Variants in NOLC1 observed in about 807,000 individuals in gnomAD.
The protein encoded by NOLC1 is nucleolar and coiled-body phosphoprotein 1, also known as 140 kDa nucleolar phosphoprotein.
Under a neutral mutation model 73.4 loss-of-function variants are expected in NOLC1, and 37 were observed. That is an observed-to-expected ratio of 0.50 (90% CI 0.39 to 0.66). The LOEUF (loss-of-function observed/expected upper bound fraction) is 0.66. NOLC1 is among the 30% of genes least tolerant of loss of function. NOLC1 has a pLI of 0.00. For synonymous variants in NOLC1, 327 were observed against 302.6 expected, an observed-to-expected ratio of 1.08 and a Z score of -0.84; for missense variants, 921 against 838.9, an observed-to-expected ratio of 1.10 and a Z score of -1.21.
intron 5 of NOLC1, 42 bp from the exon 6 acceptor site, chr10:102,159,151 G>A (rs774210633): frequency 5.0e-6 from 8 of 1,592,786 alleles, no homozygotes; most frequent in South Asian, 1.1e-5. Flanking sequence ...GTCCTGACTT[G>A]CCCTAATACT....
intron 1 of NOLC1, among the ~76,000 whole-genome samples, chr10:102,155,022 A>ATTTTTTTTTTTT (rs34034390): frequency 7.6e-6 from 1 of 131,250 alleles, no homozygotes; most frequent in African/African-American, 2.8e-5. Context: ...CACCTGGCTA[A>ATTTTTTTTTTTT]TTTTTTTTTT....
chr10:102,162,144 A>C lies in NOLC1; in HGVS notation c.1975A>C (p.Asn659His), dbSNP rs2069721245. Residue 659 changes from asparagine (N) to histidine (H), a missense_variant, in exon 13 of 13, where the codon AAT becomes CAT. Asn to His is a moderately conservative substitution (Grantham distance 68). Coordinates refer to ENST00000605788, the MANE Select transcript of NOLC1 (RefSeq NM_004741.5). ...GAAGDWGERANQVLKFTKGKS... is the reference protein window; with the variant it reads ...GAAGDWGERAHQVLKFTKGKS... The stretch of plus-strand genomic sequence containing the variant: ...AGCCGGAGACTGGGGAGAGCGAGCC[A>C]ATCAGGTTTTGAAGTTCACCAAAGG... 2.5e-6 allele frequency: 4 copies of C among 1,614,134 alleles called. No individual in the cohort carries two copies. The African/African-American group carries it at 5.3e-5, about 22-fold the overall frequency.
In NOLC1 at chr10:102,162,137, G is replaced by C. The variant is rs773390947; in HGVS notation, c.1968G>C (p.Glu656Asp). ...GAGGTGCAGCCGGAGACTGGGGAGA[G>C]CGAGCCAATCAGGTTTTGAAGTTCA... ...AKRGAAGDWG[E>D]RANQVLKFTK... Residue 656 changes from glutamate to aspartate, a missense_variant, in exon 13 of 13, where the codon GAG becomes GAC. Glu to Asp is a conservative substitution (Grantham distance 45). Coordinates refer to ENST00000605788, the MANE Select transcript of NOLC1 (RefSeq NM_004741.5). The C allele has an allele frequency of 2.0e-5, 33 of 1,614,042 alleles. No individual in the cohort carries two copies. Among genetic ancestry groups the C allele is most frequent in the Non-Finnish European group, 2.8e-5 (33 of 1,180,030 alleles).
rs547289331 is a variant in NOLC1, at chr10:102,154,505, G to T, written c.120+1975G>T. On this transcript the variant is annotated intron_variant, in intron 1 of 12. Transcript: ENST00000605788. ...TTTGTCCAAAGGTGAGTTCCCATCT[G>T]TACTGACTCTGATCATTTACTCTTT... Among the ~76,000 whole-genome samples the T allele has an allele frequency of 3.3e-5, 5 of 152,166 alleles. No individual in the cohort carries two copies. In the South Asian group the frequency reaches 1.0e-3, roughly 32 times the overall value.
At position 102,160,778 on chromosome 10, in the gene NOLC1, T is replaced by C. The variant is rs1425947129; in HGVS notation, c.1426T>C (p.Ser476Pro). Residue 476 changes from serine (S) to proline (P), a missense_variant, in exon 10 of 13, where the codon TCC becomes CCC. Physicochemically the swap from Ser to Pro is moderately conservative, Grantham distance 74 (BLOSUM62 -1). Transcript: ENST00000605788. The stretch of plus-strand genomic sequence containing the variant: ...GGACAGCAGCTCTGATTCAGACAGC[T>C]CCAGCAGTGAGGAGGAGGAAGAGAA... ...SRDSSSDSDS[S>P]SSEEEEEKTS... 1 of 1,613,978 alleles carries C rather than the reference T, an allele frequency of 6.2e-7. No homozygotes were observed. Among genetic ancestry groups the C allele is most frequent in the Non-Finnish European group, 8.5e-7 (1 of 1,180,040 alleles).
At position 102,162,635 on chromosome 10, in the gene NOLC1, G is replaced by A. The variant is rs1250654731; in HGVS notation, c.*366G>A. The stretch of plus-strand genomic sequence containing the variant: ...TGATTTTCAAAGGTGGATTCCCACA[G>A]ATAAAATCTTGGCTATTGCCCAAAA... On this transcript the variant is annotated 3_prime_UTR_variant, in exon 13 of 13. Coordinates refer to ENST00000605788, the MANE Select transcript of NOLC1 (RefSeq NM_004741.5). The A allele has an allele frequency of 6.3e-6, 1 of 158,860 alleles. No individual in the cohort carries two copies. The highest frequency in any genetic ancestry group is 6.4e-5 in the Admixed American group (1 of 15,642). 9.8% of individuals were successfully genotyped at this position (158,860 alleles called of 1,614,324 possible). A position where few individuals can be genotyped will look rare whatever the true frequency, so the allele number is the denominator to read the frequency against.
At chr10:102,155,632 C>T (rs191837327) in intron 1 of NOLC1, among the ~76,000 whole-genome samples, 10 of 152,010 alleles carry the variant, frequency 6.6e-5, no homozygotes, top group Non-Finnish European at 1.5e-5. Context: ...CCTCAGCCTC[C>T]TGAGTAGCTG....
Position 102,163,248 on chromosome 10 carries a change from G to A in NOLC1, c.*979G>A, listed in dbSNP as rs971394943. 2 of 151,718 alleles carry A rather than the reference G, an allele frequency of 1.3e-5. No individual in the cohort carries two copies. The highest frequency in any genetic ancestry group is 4.8e-5 in the African/African-American group (2 of 41,404). 9.4% of individuals were successfully genotyped at this position (151,718 alleles called of 1,614,324 possible). A position where few individuals can be genotyped will look rare whatever the true frequency, so the allele number is the denominator to read the frequency against. On this transcript the variant is annotated 3_prime_UTR_variant, in exon 13 of 13. Coordinates refer to ENST00000605788, the MANE Select transcript of NOLC1 (RefSeq NM_004741.5). ...TGAGAATCACTGATCAAGAAAGTGG[G>A]GGGAAAAAAAACAAACGTTAAAACC...
At position 102,160,665 on chromosome 10, in the gene NOLC1, C is replaced by G; in HGVS notation, c.1313C>G (p.Thr438Arg). The change falls in exon 10 of 13, where the codon ACA becomes AGA. Residue 438 changes from threonine to arginine, a missense_variant. Coordinates refer to ENST00000605788, the MANE Select transcript of NOLC1 (RefSeq NM_004741.5). ...EESSSSEEEK[T>R]KKMVATTKPK... is the part of the protein sequence containing the mutation. ...AGCAGCTCCAGTGAGGAGGAGAAGA[C>G]AAAGAAGATGGTGGCCACCACTAAG... 2 of 1,614,086 alleles carry G rather than the reference C, an allele frequency of 1.2e-6. No homozygotes were observed. The highest frequency in any genetic ancestry group is 1.7e-6 in the Non-Finnish European group (2 of 1,180,000).
intron 4 of NOLC1, 90 bp from the exon 5 acceptor site, chr10:102,157,959 A>G (rs1223328357): frequency 6.9e-5 from 82 of 1,191,856 alleles, no homozygotes; most frequent in Non-Finnish European, 9.3e-5. Context: ...TTACTGCTCC[A>G]TTAGGCCCCT....
chr10:102,152,623 G>A lies in NOLC1; in HGVS notation c.120+93G>A. 3 of 1,556,056 alleles carry A rather than the reference G, an allele frequency of 1.9e-6. No homozygotes were observed. The South Asian group carries it at 3.5e-5, about 18-fold the overall frequency. Reference sequence around the variant, plus strand: ...AGGTTTCCAGGTGGGGAAGTCTGGGGGTCCGCCAGTCCAGTGTCTGCAAGG... The same window carrying A: ...AGGTTTCCAGGTGGGGAAGTCTGGGAGTCCGCCAGTCCAGTGTCTGCAAGG... On this transcript the variant is annotated intron_variant, in intron 1 of 12. Transcript: ENST00000605788.
chr10:102,161,864 G>A lies in NOLC1; in HGVS notation c.1880G>A (p.Arg627Lys), dbSNP rs147728236. Residue 627 changes from arginine to lysine, a missense_variant, in exon 12 of 13, where the codon AGG becomes AAG. Coordinates refer to ENST00000605788, the MANE Select transcript of NOLC1 (RefSeq NM_004741.5). ...GEKRASSPFRRVREEEIEVDS... is the reference protein window; with the variant it reads ...GEKRASSPFRKVREEEIEVDS... Reference sequence around the variant, plus strand: ...AAAAGGGCATCATCCCCATTCCGAAGGGTCAGGGAGGAGGAAATTGAGGTG... The same window carrying A: ...AAAAGGGCATCATCCCCATTCCGAAAGGTCAGGGAGGAGGAAATTGAGGTG... 4.3e-6 allele frequency: 7 copies of A among 1,614,014 alleles called. No homozygotes were observed. Among genetic ancestry groups the A allele is most frequent in the Non-Finnish European group, 5.9e-6 (7 of 1,180,030 alleles).
In NOLC1 at chr10:102,157,428, C is replaced by A; in HGVS notation, c.317-3C>A. 1.9e-6 allele frequency: 3 copies of A among 1,614,060 alleles called. No individual in the cohort carries two copies. The South Asian group carries it at 3.3e-5, about 18-fold the overall frequency. ...TCTTACTGGGACCTGTGTGTTTGTT[C>A]AGCTGTACCTGCCAAGCGAGTCGGT... On this transcript the variant is annotated splice_region_variant and splice_polypyrimidine_tract_variant and intron_variant, in intron 3 of 12. Transcript: ENST00000605788.
chr10:102,159,895 G>A lies in NOLC1; in HGVS notation c.860-1G>A. On this transcript the variant is annotated splice_acceptor_variant, in intron 7 of 12. Transcript: ENST00000605788. LOFTEE classifies it high-confidence loss of function. ...ACCATCACACTATCCTTTTTAAACAGGTCCCTACAGTTCAGTCCCCCCGCC... is the reference window on the plus strand; with the variant it reads ...ACCATCACACTATCCTTTTTAAACAAGTCCCTACAGTTCAGTCCCCCCGCC... 7 of 1,573,866 alleles carry A rather than the reference G, an allele frequency of 4.4e-6. No homozygotes were observed. Among genetic ancestry groups the A allele is most frequent in the Non-Finnish European group, 5.2e-6 (6 of 1,162,066 alleles).
chr10:102,160,704 C>T lies in NOLC1; in HGVS notation c.1352C>T (p.Ala451Val), dbSNP rs2069690924. The part of the protein sequence containing the change: ...MVATTKPKAT[A>V]KAALSLPAKQ... ...GCCACCACTAAGCCCAAGGCGACTG[C>T]CAAAGCAGCTCTATCTCTGCCTGCC... The change falls in exon 10 of 13, where the codon GCC (alanine) becomes GTC (valine). Residue 451 changes from alanine to valine, a missense_variant. Physicochemically the swap from Ala to Val is moderately conservative, Grantham distance 64. Transcript: ENST00000605788. 1 of 1,613,954 alleles carries T rather than the reference C, an allele frequency of 6.2e-7. No homozygotes were observed. Among genetic ancestry groups the T allele is most frequent in the Non-Finnish European group, 8.5e-7 (1 of 1,179,960 alleles).
rs776271995 is a variant in NOLC1 at position 102,160,980 on chromosome 10, C to A, written c.1628C>A (p.Ala543Asp). Residue 543 changes from alanine to aspartate, a missense_variant, in exon 10 of 13, where the codon GCC (alanine) becomes GAC (aspartate). By Grantham distance (126) the Ala-to-Asp change is moderately radical (BLOSUM62 -2). Transcript: ENST00000605788. ...LKGKGSPRPQ[A>D]PKANGTSALT... ...GGCAAGGGCTCTCCAAGACCACAAG[C>A]CCCCAAGGCCAATGGCACCTCTGCA... 1.2e-6 allele frequency: 2 copies of A among 1,614,164 alleles called. No homozygotes were observed. The highest frequency in any genetic ancestry group is 8.5e-7 in the Non-Finnish European group (1 of 1,180,028).
rs758133075 is a variant in NOLC1 at position 102,160,841 on chromosome 10, G to A, written c.1489G>A (p.Val497Ile). Residue 497 changes from valine to isoleucine, a missense_variant, in exon 10 of 13, where the codon GTA (valine) becomes ATA (isoleucine). Physicochemically the swap from Val to Ile is conservative, Grantham distance 29. Coordinates refer to ENST00000605788, the MANE Select transcript of NOLC1 (RefSeq NM_004741.5). ...TGCAGTTAAGAAGAAGCCACAGAAG[G>A]TAGCAGGAGGTGCAGCCCCTTCCAA... ...KSAVKKKPQK[V>I]AGGAAPSKPA... 17 of 1,614,038 alleles carry A rather than the reference G, an allele frequency of 1.1e-5. No individual in the cohort carries two copies. Among genetic ancestry groups the A allele is most frequent in the Non-Finnish European group, 1.4e-5 (16 of 1,180,032 alleles).
chr10:102,161,617 G>T lies in NOLC1; in HGVS notation c.1803G>T (p.Lys601Asn). 6.2e-7 allele frequency: 1 copy of T among 1,614,118 alleles called. No homozygotes were observed. The highest frequency in any genetic ancestry group is 8.5e-7 in the Non-Finnish European group (1 of 1,179,988). Residue 601 changes from lysine to asparagine, a missense_variant, in exon 11 of 13, where the codon AAG (lysine) becomes AAT (asparagine). Lys to Asn is a moderately conservative substitution (Grantham distance 94). Transcript: ENST00000605788. ...AAKEAETPQA[K>N]KIKLQTPNTF... Reference sequence around the variant, plus strand: ...AGGAGGCAGAGACTCCTCAGGCCAAGAAGATAAAGCTTCAGACCCCTAACA... The same window carrying T: ...AGGAGGCAGAGACTCCTCAGGCCAATAAGATAAAGCTTCAGACCCCTAACA...
intron 12 of NOLC1, 92 bp from the exon 13 acceptor site, chr10:102,162,019 T>C: frequency 6.2e-7 from 1 of 1,603,176 alleles, no homozygotes; most frequent in Non-Finnish European, 8.5e-7. Flanking sequence ...CTTCTCTGGG[T>C]TCAGGTTTCC....
Sources: gnomAD v4.1 joint callset for allele counts (sites outside exome capture counted in the v4.1 genomes callset) on GRCh38, gnomAD v4.1.1 for gene constraint, MANE v1.5 for transcripts, NCBI Gene and HGNC (gene_info 2026-07-23, HGNC 2026-07-21) for gene names.